DZIP3: variants seen among roughly 807,000 people sequenced by gnomAD.
DZIP3 encodes the protein E3 ubiquitin-protein ligase DZIP3.
A neutral mutation model predicts 162.0 loss-of-function variants in DZIP3; 118 were observed. That is an observed-to-expected ratio of 0.73 (90% CI 0.63 to 0.85). DZIP3 has a LOEUF of 0.85. Ranked by LOEUF, DZIP3 falls within the 40% of genes least tolerant of loss-of-function variation. The pLI is 0.00. For missense variants in DZIP3, 1,331 were observed against 1,407.0 expected (o/e 0.95, Z 0.86); for synonymous variants, 438 against 458.6 (o/e 0.96, Z 0.57).
intron 23 of DZIP3, among the ~76,000 whole-genome samples, chr3:108,673,120 T>A (rs940781660): frequency 6.6e-6 from 1 of 151,888 alleles, no homozygotes; most frequent in Non-Finnish European, 1.5e-5. Context: ...ACAGCTAGGG[T>A]CTCTCAAAAG....
chr3:108,645,910 T>C (rs1445649746), intron 14 of DZIP3, among the ~76,000 whole-genome samples: 1 of 152,194 alleles, frequency 6.6e-6, no homozygotes, highest in Non-Finnish European at 1.5e-5. Flanking sequence ...GGATTTTAAA[T>C]AATTCATGAG....
intron 1 of DZIP3, among the ~76,000 whole-genome samples, chr3:108,591,400 T>C (rs914714674): frequency 1.3e-4 from 20 of 152,376 alleles, no homozygotes; most frequent in Admixed American, 1.2e-3. Context: ...GTGTTGGACT[T>C]TTCATCTGTG....
upstream of DZIP3, chr3:108,589,577 G>C (rs1240043969): frequency 1.7e-5 from 8 of 477,746 alleles, no homozygotes; most frequent in Non-Finnish European, 1.1e-5. Flanking sequence ...GAGGTGATTT[G>C]TGGGTCCAGG....
chr3:108,661,877 G>T lies in DZIP3; in HGVS notation c.2200G>T (p.Gly734Cys), dbSNP rs749686850. ...CATGCATATTTCCTGTGCTCAATAG[G>T]GCTCAGCTGGCAAAGTAACTACAGA... Reference protein sequence around the residue: ...ELHILDMIEQGSAGKVTTDYG... With the variant: ...ELHILDMIEQCSAGKVTTDYG... Residue 734 changes from glycine to cysteine, a missense_variant and splice_region_variant, in exon 20 of 33, where the codon GGC (glycine) becomes TGC (cysteine). Coordinates refer to ENST00000361582, the MANE Select transcript of DZIP3 (RefSeq NM_014648.4). The T allele has an allele frequency of 6.2e-7, 1 of 1,612,640 alleles. No homozygotes were observed. The highest frequency in any genetic ancestry group is 1.1e-5 in the South Asian group (1 of 90,902).
In DZIP3 at chr3:108,661,905, A is replaced by G. The variant is rs776499806; in HGVS notation, c.2228A>G (p.Tyr743Cys). Residue 743 changes from tyrosine (Y) to cysteine (C), a missense_variant, in exon 20 of 33, where the codon TAT (tyrosine) becomes TGT (cysteine). Coordinates refer to ENST00000361582, the MANE Select transcript of DZIP3 (RefSeq NM_014648.4). Reference protein sequence around the residue: ...QGSAGKVTTDYGETEKERLAR... With the variant: ...QGSAGKVTTDCGETEKERLAR... The stretch of plus-strand genomic sequence containing the variant: ...TCAGCTGGCAAAGTAACTACAGACT[A>G]TGGAGAAACTGAAAAGGAAAGGCTT... 10 of 1,613,870 alleles carry G rather than the reference A, an allele frequency of 6.2e-6. No individual in the cohort carries two copies. The highest frequency in any genetic ancestry group is 2.2e-5 in the East Asian group (1 of 44,860).
At chr3:108,611,937 C>G (rs1176358157) in intron 4 of DZIP3, among the ~76,000 whole-genome samples, 1 of 148,170 alleles carries the variant, frequency 6.7e-6, no homozygotes, top group Non-Finnish European at 1.5e-5. Context: ...GCACTCCTGC[C>G]TGGGAGACAG....
At chr3:108,677,902 TC>T (rs1308712797) in intron 26 of DZIP3, among the ~76,000 whole-genome samples, 1 of 151,966 alleles carries the variant, frequency 6.6e-6, no homozygotes, top group East Asian at 1.9e-4. Context: ...TACTCAGACT[TC>T]CCAGTGTCCT....
At chr3:108,675,715 A>C in intron 24 of DZIP3, 71 bp from the exon 25 acceptor site, 1 of 1,355,832 alleles carries the variant, frequency 7.4e-7, no homozygotes, top group Admixed American at 2.5e-5. Context: ...AGAAAGCGTG[A>C]TAGACATGTT....
At position 108,662,232 on chromosome 3, in the gene DZIP3, G is replaced by T. The variant is rs200588877; in HGVS notation, c.2398G>T (p.Ala800Ser). 1.3e-6 allele frequency: 2 copies of T among 1,596,662 alleles called. No homozygotes were observed. The highest frequency in any genetic ancestry group is 4.5e-5 in the East Asian group (2 of 44,762). ...KIIASLNQQV[A>S]FGINKVSKLQ... ...TATCGCATCTCTTAATCAACAAGTT[G>T]CTTTTGGAATCAATAAGGTTTCCAA... The change falls in exon 21 of 33, where the codon GCT (alanine) becomes TCT (serine). Residue 800 changes from alanine to serine, a missense_variant. By Grantham distance (99) the Ala-to-Ser change is moderately conservative. Around this residue, in one of 2 missense-constraint regions of DZIP3, gnomAD observed 1,278 missense variants for 1,317.1 expected, o/e 0.97. Transcript: ENST00000361582.
rs1941566449 is a variant in DZIP3 at position 108,625,856 on chromosome 3, A to C, written c.468A>C (p.Glu156Asp). 2.5e-6 allele frequency: 4 copies of C among 1,612,464 alleles called. No individual in the cohort carries two copies. The African/African-American group carries it at 5.3e-5, about 22-fold the overall frequency. Residue 156 changes from glutamate (E) to aspartate (D), a missense_variant, in exon 7 of 33, where the codon GAA (glutamate) becomes GAC (aspartate). Transcript: ENST00000361582. ...TERGKKEDYTEAENKFLVMKM... is the reference protein window; with the variant it reads ...TERGKKEDYTDAENKFLVMKM... ...TTATGTTACTACAGGATTATACAGA[A>C]GCTGAGAATAAATTTCTGGTGATGA...
intron 22 of DZIP3, among the ~76,000 whole-genome samples, chr3:108,671,548 T>C (rs1436826584): frequency 6.6e-6 from 1 of 151,938 alleles, no homozygotes; most frequent in African/African-American, 2.4e-5. Flanking sequence ...ATCTTCCTCC[T>C]TCCCTCTCAA....
intron 26 of DZIP3, among the ~76,000 whole-genome samples, chr3:108,681,168 T>C (rs565471109): frequency 3.7e-4 from 56 of 152,188 alleles, no homozygotes; most frequent in African/African-American, 1.3e-3. Flanking sequence ...GGAGAAAATT[T>C]TTGCAATCTT....
intron 27 of DZIP3, among the ~76,000 whole-genome samples, chr3:108,685,180 AAC>A (rs1273331170): frequency 6.6e-6 from 1 of 152,206 alleles, no homozygotes; most frequent in Non-Finnish European, 1.5e-5. Flanking sequence ...TTAAATAAGT[AAC>A]ACATCTTTTT....
intron 26 of DZIP3, among the ~76,000 whole-genome samples, chr3:108,683,485 T>C (rs1303292648): frequency 2.0e-5 from 3 of 152,306 alleles, no homozygotes; most frequent in South Asian, 2.1e-4. Context: ...TCCTGCTTTA[T>C]GCTTAATGCC....
At chr3:108,675,967 A>G (rs1944094716) in intron 25 of DZIP3, 94 bp downstream of exon 25, 1 of 1,102,854 alleles carries the variant, frequency 9.1e-7, no homozygotes, top group Non-Finnish European at 1.3e-6. Flanking sequence ...AAGGAAGAAC[A>G]TATTTTCCAT....
intron 29 of DZIP3, 45 bp from the exon 30 acceptor site, chr3:108,688,548 T>A: frequency 6.3e-7 from 1 of 1,587,392 alleles, no homozygotes; most frequent in Non-Finnish European, 8.6e-7. Context: ...CTCTTACTGT[T>A]TTAGGATAAT....
chr3:108,658,476 G>C (rs1426084657), intron 19 of DZIP3, among the ~76,000 whole-genome samples: 1 of 151,486 alleles, frequency 6.6e-6, no homozygotes, highest in Admixed American at 6.6e-5. Context: ...GAATCTCTGG[G>C]ACACATTCAA....
rs757007947 is a variant in DZIP3 at position 108,644,082 on chromosome 3, G to A, written c.1142-82G>A. 2.1e-6 allele frequency: 3 copies of A among 1,451,848 alleles called. No homozygotes were observed. The East Asian group carries it at 6.8e-5, about 33-fold the overall frequency. The allele number at this position is 1,451,848 out of a possible 1,614,324, so 89.9% of individuals were successfully genotyped here. On this transcript the variant is annotated intron_variant, in intron 13 of 32. Coordinates refer to ENST00000361582, the MANE Select transcript of DZIP3 (RefSeq NM_014648.4). ...TTTTGGAATAGTTTTTATCCTACAG[G>A]AGCTTAGGATACAATGTGAGAGACC...
intron 26 of DZIP3, 100 bp from the exon 27 acceptor site, chr3:108,684,116 C>T (rs1202708724): frequency 1.5e-6 from 2 of 1,340,654 alleles, no homozygotes; most frequent in African/African-American, 1.5e-5. Flanking sequence ...TGAGTGTTCC[C>T]CCCGCCATAT....
Sources: gnomAD v4.1 joint callset for allele counts (sites outside exome capture counted in the v4.1 genomes callset) on GRCh38, gnomAD v4.1.1 for gene constraint, gnomAD v4.1.1 regional missense constraint, MANE v1.5 for transcripts, NCBI Gene and HGNC (gene_info 2026-07-23, HGNC 2026-07-21) for gene names.